The following EEPD1 variants were observed in gnomAD, a reference collection of about 807,000 sequenced individuals.
The protein encoded by EEPD1 is endonuclease/exonuclease/phosphatase family domain-containing protein 1.
A neutral mutation model predicts 46.3 loss-of-function variants in EEPD1; 17 were observed. The ratio of observed to expected loss-of-function variants is 0.37; its 90% CI spans 0.25 to 0.55. The LOEUF (loss-of-function observed/expected upper bound fraction) is 0.55. Among genes scored for constraint, EEPD1 ranks in the 20% least tolerant of loss-of-function variants. The pLI is 0.83. For synonymous variants in EEPD1, 313 were observed against 315.6 expected (o/e 0.99, Z 0.09); for missense variants, 673 against 745.6 (o/e 0.90, Z 1.13).
chr7:36,208,190 C>A (rs1219913441), intron 2 of EEPD1, among the ~76,000 whole-genome samples: 5 of 152,116 alleles, frequency 3.3e-5, no homozygotes, highest in Admixed American at 6.5e-5. Context: ...GATGCTGGTT[C>A]CTGTGTGACT....
chr7:36,242,878 G>A (rs902261041), intron 3 of EEPD1, among the ~76,000 whole-genome samples: 16 of 151,646 alleles, frequency 1.1e-4, no homozygotes, highest in South Asian at 4.2e-4. Context: ...GCAGTGAGCC[G>A]AGATCGCCCC....
intron 6 of EEPD1, 140 bp from the exon 7 acceptor site, chr7:36,296,853 G>A: frequency 4.2e-6 from 3 of 719,620 alleles, no homozygotes; most frequent in Non-Finnish European, 6.7e-6. Flanking sequence ...GGAAGAGTGA[G>A]GAGAGTGAGA....
intron 2 of EEPD1, among the ~76,000 whole-genome samples, chr7:36,156,848 C>T (rs1337495430): frequency 6.6e-6 from 1 of 152,222 alleles, no homozygotes; most frequent in African/African-American, 2.4e-5. Context: ...AGCTGTCCCT[C>T]TGTCTCTTGG....
intron 2 of EEPD1, among the ~76,000 whole-genome samples, chr7:36,214,453 T>G (rs1021409305): frequency 6.6e-6 from 1 of 152,136 alleles, no homozygotes; most frequent in Non-Finnish European, 1.5e-5. Context: ...CATCAACAGG[T>G]CTGGTCAGGG....
chr7:36,233,050 A>T (rs535252768), intron 2 of EEPD1, among the ~76,000 whole-genome samples: 33 of 152,330 alleles, frequency 2.2e-4, no homozygotes, highest in Admixed American at 2.6e-4. Context: ...AGGGGCAGGA[A>T]TGGGAGACTA....
chr7:36,203,141 C>T (rs1785744671), intron 2 of EEPD1, among the ~76,000 whole-genome samples: 1 of 152,170 alleles, frequency 6.6e-6, no homozygotes, highest in Non-Finnish European at 1.5e-5. Flanking sequence ...GGTCAGAATG[C>T]CCCCTTTTTG....
rs746040709 is a variant in EEPD1, at chr7:36,154,960, C to T, written c.636C>T (p.Thr212=). 11 of 1,613,852 alleles carry T rather than the reference C, an allele frequency of 6.8e-6. No individual in the cohort carries two copies. The highest frequency in any genetic ancestry group is 9.3e-6 in the Non-Finnish European group (11 of 1,179,998). The change falls in exon 2 of 8, where the codon ACC becomes ACT. Residue 212 remains threonine, a synonymous_variant. Coordinates refer to ENST00000242108, the MANE Select transcript of EEPD1 (RefSeq NM_030636.3). The surrounding 1 kb of genome is among the most constrained non-coding windows in gnomAD (Gnocchi z 4.2). ...CCACCCACACGAACGGGGGACTGAC[C>T]TTCACCGCCAAGCCTCACCCGAGCC... ...PPSTHTNGGL[T]FTAKPHPSPT... is the part of the protein sequence containing the mutation.
rs775455073 is a variant in EEPD1, at chr7:36,299,882, T to A, written c.*676T>A. On this transcript the variant is annotated 3_prime_UTR_variant, in exon 8 of 8. Transcript: ENST00000242108. ...AGCTTCACTTCCCCTGCGCCTTTTATGTCCCCACCTTGAGGCCTTGCAGAG... is the reference window on the plus strand; with the variant it reads ...AGCTTCACTTCCCCTGCGCCTTTTAAGTCCCCACCTTGAGGCCTTGCAGAG... The A allele has an allele frequency of 6.6e-6, 1 of 151,624 alleles. No individual in the cohort carries two copies. The highest frequency in any genetic ancestry group is 1.5e-5 in the Non-Finnish European group (1 of 68,018). The allele number at this position is 151,624 out of a possible 1,614,324, so 9.4% of individuals were successfully genotyped here. A position where few individuals can be genotyped will look rare whatever the true frequency, so the allele number is the denominator to read the frequency against.
At chr7:36,220,466 A>G (rs1285046720) in intron 2 of EEPD1, among the ~76,000 whole-genome samples, 6 of 152,206 alleles carry the variant, frequency 3.9e-5, no homozygotes, top group Non-Finnish European at 5.9e-5. Flanking sequence ...ATAACCAAAA[A>G]GAACCTCATG....
At chr7:36,222,665 G>A (rs538909105) in intron 2 of EEPD1, among the ~76,000 whole-genome samples, 18 of 152,190 alleles carry the variant, frequency 1.2e-4, no homozygotes, top group Non-Finnish European at 2.6e-4. Flanking sequence ...AGGCTGGCGA[G>A]TCTAAGATCA....
At chr7:36,214,417 A>T (rs1223496613) in intron 2 of EEPD1, among the ~76,000 whole-genome samples, 2 of 152,216 alleles carry the variant, frequency 1.3e-5, no homozygotes, top group Non-Finnish European at 2.9e-5. Context: ...GCCACTGGCT[A>T]TCCCCCAGAG....
intron 3 of EEPD1, among the ~76,000 whole-genome samples, chr7:36,268,750 A>G (rs1201399534): frequency 2.6e-5 from 4 of 152,230 alleles, no homozygotes; most frequent in Non-Finnish European, 5.9e-5. Flanking sequence ...AGGAGAGCAC[A>G]TACAGAGACT....
rs1784751473 is a variant in EEPD1, at chr7:36,153,278, G to C, written c.-589G>C. On this transcript the variant is annotated 5_prime_UTR_variant, in exon 1 of 8. Transcript: ENST00000242108. ...GGACTTTGGCTTTGACACCGACTGC[G>C]AGCGGGAGCCGTGCGGCTGGTGCTG... 6.6e-6 allele frequency: 1 copy of C among 152,494 alleles called. No homozygotes were observed. The highest frequency in any genetic ancestry group is 2.1e-4 in the South Asian group (1 of 4,838). 9.4% of individuals were successfully genotyped at this position (152,494 alleles called of 1,614,324 possible).
chr7:36,288,227 G>GA (rs1452097491), intron 6 of EEPD1, among the ~76,000 whole-genome samples: 1 of 152,144 alleles, frequency 6.6e-6, no homozygotes, highest in Non-Finnish European at 1.5e-5. Flanking sequence ...TCTCTGGCGG[G>GA]ATACAGAGCA....
chr7:36,176,370 G>C (rs1785179866), intron 2 of EEPD1, among the ~76,000 whole-genome samples: 1 of 152,212 alleles, frequency 6.6e-6, no homozygotes, highest in Admixed American at 6.5e-5. Context: ...AAGAAGCAAA[G>C]AAGAGGCAGG....
intron 3 of EEPD1, among the ~76,000 whole-genome samples, chr7:36,265,774 A>G (rs1253988166): frequency 6.6e-6 from 1 of 152,222 alleles, no homozygotes; most frequent in Non-Finnish European, 1.5e-5. Flanking sequence ...GTAAACTTGA[A>G]AACATCAAAG....
intron 2 of EEPD1, among the ~76,000 whole-genome samples, chr7:36,190,992 A>C (rs1161160543): frequency 6.6e-6 from 1 of 152,226 alleles, no homozygotes; most frequent in Non-Finnish European, 1.5e-5. Context: ...TCTTCCCCAG[A>C]AAAGGCTTAA....
Position 36,287,236 on chromosome 7 carries a change from CAAAAAAAAAA to C in EEPD1, c.1177-385_1177-376del, listed in dbSNP as rs377318198. 5.2e-4 allele frequency among the ~76,000 whole-genome samples: 22 copies of C among 42,204 alleles called. 1 individual carries two copies. The highest frequency in any genetic ancestry group is 1.7e-3 in the African/African-American group (15 of 8,602). 27.7% of individuals were successfully genotyped at this position (42,204 alleles called of 152,430 possible). On this transcript the variant is annotated intron_variant, in intron 5 of 7. Coordinates refer to ENST00000242108, the MANE Select transcript of EEPD1 (RefSeq NM_030636.3). ...TGGGTGACAGAGTGAGACTCCTTCTCAAAAAAAAAAAAAAAAAAAAAAAAAAAGTGCTGGA... is the reference window on the plus strand; with the variant it reads ...TGGGTGACAGAGTGAGACTCCTTCTCAAAAAAAAAAAAAAAAAGTGCTGGA...
intron 2 of EEPD1, among the ~76,000 whole-genome samples, chr7:36,162,629 C>T (rs1020244279): frequency 2.0e-5 from 3 of 151,676 alleles, no homozygotes; most frequent in Non-Finnish European, 2.9e-5. Flanking sequence ...GAGCACAGAG[C>T]GAGACCCTGT....
Sources: gnomAD v4.1 joint callset for allele counts (sites outside exome capture counted in the v4.1 genomes callset) on GRCh38, gnomAD v4.1.1 for gene constraint, Gnocchi (gnomAD v3.1) non-coding constraint, MANE v1.5 for transcripts, NCBI Gene and HGNC (gene_info 2026-07-23, HGNC 2026-07-21) for gene names.